ATXN10: variants seen among roughly 807,000 people sequenced by gnomAD.
The protein encoded by ATXN10 is ataxin-10.
Under a neutral mutation model 52.9 loss-of-function variants are expected in ATXN10, and 28 were observed. The observed-to-expected ratio is 0.53, with a 90% CI of 0.39 to 0.73. The LOEUF (loss-of-function observed/expected upper bound fraction) is 0.73. Ranked by LOEUF, ATXN10 falls within the 30% of genes least tolerant of loss-of-function variation. ATXN10 has a pLI of 0.00. For synonymous variants in ATXN10, 226 were observed against 221.5 expected (o/e 1.02, Z -0.18); for missense variants, 565 against 577.0 (o/e 0.98, Z 0.21).
intron 9 of ATXN10, among the ~76,000 whole-genome samples, chr22:45,752,393 C>G (rs1926009980): frequency 6.6e-6 from 1 of 152,144 alleles, no homozygotes; most frequent in African/African-American, 2.4e-5. Flanking sequence ...ATAAATGGCT[C>G]TACTTGGAAC....
In ATXN10 at chr22:45,816,303, A is replaced by G. The variant is rs1416661522; in HGVS notation, c.1237+9281A>G. Among the ~76,000 whole-genome samples the G allele has an allele frequency of 1.3e-5, 2 of 152,226 alleles. No individual in the cohort carries two copies. The highest frequency in any genetic ancestry group is 2.9e-5 in the Non-Finnish European group (2 of 68,030). ...ATTCACTGCCCTATTTTGATCTTAG[A>G]TCATAATCAGGAGAAAGTGCTGAGC... On this transcript the variant is annotated intron_variant, in intron 10 of 11. Transcript: ENST00000252934. This position sits in a 1 kb window ranked among gnomAD's most constrained non-coding sequence, Gnocchi z 5.8.
rs928550739 is a variant in ATXN10 at position 45,728,091 on chromosome 22, A to G, written c.729-1334A>G. Among the ~76,000 whole-genome samples the G allele has an allele frequency of 6.6e-5, 10 of 151,904 alleles. No homozygotes were observed. Among genetic ancestry groups the G allele is most frequent in the African/African-American group, 9.7e-5 (4 of 41,348 alleles). On this transcript the variant is annotated intron_variant, in intron 6 of 11. Transcript: ENST00000252934. This position sits in a 1 kb window ranked among gnomAD's most constrained non-coding sequence, Gnocchi z 4.3. ...GGAGCATTTAGATGATTTATATTCAATGTTAATACTGAGATGTGAGGTACT... is the reference window on the plus strand; with the variant it reads ...GGAGCATTTAGATGATTTATATTCAGTGTTAATACTGAGATGTGAGGTACT...
intron 9 of ATXN10, among the ~76,000 whole-genome samples, chr22:45,777,289 G>A (rs1000550738): frequency 1.3e-5 from 2 of 152,162 alleles, no homozygotes; most frequent in African/African-American, 4.8e-5. Flanking sequence ...AGCTGGAGTC[G>A]GGTGGGTGTT....
intron 9 of ATXN10, among the ~76,000 whole-genome samples, chr22:45,741,176 A>G (rs1291773077): frequency 6.6e-6 from 1 of 152,196 alleles, no homozygotes; most frequent in Admixed American, 6.5e-5. Flanking sequence ...TATTAATTAA[A>G]TTTCTGCCAG....
At position 45,689,919 on chromosome 22, in the gene ATXN10, C is replaced by A. The variant is rs892267236; in HGVS notation, c.308+16C>A. 4.3e-6 allele frequency: 7 copies of A among 1,612,094 alleles called. No homozygotes were observed. In the East Asian group the frequency reaches 6.7e-5, roughly 15 times the overall value. ...ATTCAATCAGGTAGTTACACACGTA[C>A]CTTGGATTCTGTTTCTTTGTATATG... On this transcript the variant is annotated intron_variant, in intron 2 of 11. Transcript: ENST00000252934.
intron 1 of ATXN10, among the ~76,000 whole-genome samples, chr22:45,682,613 C>T (rs1922972830): frequency 6.6e-6 from 1 of 152,122 alleles, no homozygotes; most frequent in Non-Finnish European, 1.5e-5. Context: ...CCTGGCTTAG[C>T]TAGATTTTTC....
rs1673228523 is a variant in ATXN10 at position 45,678,070 on chromosome 22, GGA to G, written c.116+5897_116+5898del. On this transcript the variant is annotated intron_variant, in intron 1 of 11. Transcript: ENST00000252934. The surrounding 1 kb of genome is among the most constrained non-coding windows in gnomAD (Gnocchi z 4.1). Reference sequence around the variant, plus strand: ...AGTAGATTAGAGGTTACTAGGATTTGGAGAGAGGGGAAATTGGGAGTTACTGC... The same window carrying G: ...AGTAGATTAGAGGTTACTAGGATTTGGAGAGGGGAAATTGGGAGTTACTGC... The G allele has an allele frequency of 6.6e-6, 1 of 152,188 alleles. No homozygotes were observed. Among genetic ancestry groups the G allele is most frequent in the Admixed American group, 6.5e-5 (1 of 15,282 alleles). 9.4% of individuals were successfully genotyped at this position (152,188 alleles called of 1,614,324 possible).
chr22:45,694,940 CAAAAAAAA>C lies in ATXN10; in HGVS notation c.391+1881_391+1888del, dbSNP rs748780048. ...TGGGTGACAGAGCAAGACTCTGTCT[CAAAAAAAA>C]AAAAAAAAAAAAAAAAAACAAAACC... On this transcript the variant is annotated intron_variant, in intron 3 of 11. Coordinates refer to ENST00000252934, the MANE Select transcript of ATXN10 (RefSeq NM_013236.4). Among the ~76,000 whole-genome samples the C allele has an allele frequency of 4.7e-3, 104 of 21,914 alleles. 1 individual carries two copies. The highest frequency in any genetic ancestry group is 0.014 in the African/African-American group (97 of 6,866). The allele number at this position is 21,914 out of a possible 152,430, so 14.4% of individuals were successfully genotyped here. A position where few individuals can be genotyped will look rare whatever the true frequency, so the allele number is the denominator to read the frequency against.
intron 9 of ATXN10, among the ~76,000 whole-genome samples, chr22:45,802,920 T>C (rs1049592727): frequency 1.3e-5 from 2 of 152,238 alleles, no homozygotes; most frequent in Non-Finnish European, 2.9e-5. Context: ...TGAAAATAAA[T>C]TTGAAACTTT....
At position 45,777,727 on chromosome 22, in the gene ATXN10, C is replaced by A. The variant is rs369569306; in HGVS notation, c.1174-29232C>A. ...TGGATTAACTATGTCTGTGCACTTG[C>A]ACGCACCCCTCCGCACCTGCCTGTT... On this transcript the variant is annotated intron_variant, in intron 9 of 11. Coordinates refer to ENST00000252934, the MANE Select transcript of ATXN10 (RefSeq NM_013236.4). Among the ~76,000 whole-genome samples, 6 of 152,358 alleles carry A rather than the reference C, an allele frequency of 3.9e-5. No individual in the cohort carries two copies. In the East Asian group the frequency reaches 5.8e-4, roughly 15 times the overall value.
rs922043841 is a variant in ATXN10 at position 45,840,408 on chromosome 22, C to G, written c.1238-2583C>G. Among the ~76,000 whole-genome samples the G allele has an allele frequency of 6.6e-6, 1 of 152,120 alleles. No homozygotes were observed. Among genetic ancestry groups the G allele is most frequent in the Non-Finnish European group, 1.5e-5 (1 of 68,028 alleles). ...AGCAGGTGCCGAGGGGTAGCTAAGACAGGGAAGGCTTCCGGGAGACTGTGA... is the reference window on the plus strand; with the variant it reads ...AGCAGGTGCCGAGGGGTAGCTAAGAGAGGGAAGGCTTCCGGGAGACTGTGA... On this transcript the variant is annotated intron_variant, in intron 10 of 11. Coordinates refer to ENST00000252934, the MANE Select transcript of ATXN10 (RefSeq NM_013236.4). This position sits in a 1 kb window ranked among gnomAD's most constrained non-coding sequence, Gnocchi z 5.8.
chr22:45,713,630 C>A (rs1924336267), intron 5 of ATXN10, among the ~76,000 whole-genome samples: 1 of 152,078 alleles, frequency 6.6e-6, no homozygotes, highest in African/African-American at 2.4e-5. Flanking sequence ...GCTTACTTTG[C>A]CTGTATATAT....
rs1249564673 is a variant in ATXN10 at position 45,696,809 on chromosome 22, G to A, written c.392-3473G>A. On this transcript the variant is annotated intron_variant, in intron 3 of 11. Coordinates refer to ENST00000252934, the MANE Select transcript of ATXN10 (RefSeq NM_013236.4). This position sits in a 1 kb window ranked among gnomAD's most constrained non-coding sequence, Gnocchi z 4.7. ...ACAGGATTACTTTCCACTGAAGCAG[G>A]TAGATGACCTAAGAAAAAATTTAAC... Among the ~76,000 whole-genome samples the A allele has an allele frequency of 6.6e-6, 1 of 152,168 alleles. No homozygotes were observed. Among genetic ancestry groups the A allele is most frequent in the Non-Finnish European group, 1.5e-5 (1 of 68,034 alleles).
chr22:45,831,135 G>A (rs1928978839), intron 10 of ATXN10, among the ~76,000 whole-genome samples: 1 of 152,184 alleles, frequency 6.6e-6, no homozygotes, highest in Admixed American at 6.5e-5. Context: ...ATTTATAAGA[G>A]GTACTTAGAG....
At chr22:45,756,265 C>T (rs2146823533) in intron 9 of ATXN10, among the ~76,000 whole-genome samples, 1 of 152,268 alleles carries the variant, frequency 6.6e-6, no homozygotes, top group South Asian at 2.1e-4. Flanking sequence ...CCACCTCAAT[C>T]TCCTGAGTAG....
chr22:45,843,077 CAG>C lies in ATXN10; in HGVS notation c.1325_1326del (p.Gln442ArgfsTer9). On this transcript the variant is annotated frameshift_variant, in exon 11 of 12. Transcript: ENST00000252934. LOFTEE classifies it high-confidence loss of function. This position sits in a 1 kb window ranked among gnomAD's most constrained non-coding sequence, Gnocchi z 4.5. ...NQDLIAKMEE[Q>X]GLADASLLKK... ...AGATTTGATTGCAAAGATGGAGGAA[CAG>C]GGGCTGGCAGATGCATCCCTACTTA... 2.5e-6 allele frequency: 4 copies of C among 1,614,192 alleles called. No individual in the cohort carries two copies. The highest frequency in any genetic ancestry group is 3.4e-6 in the Non-Finnish European group (4 of 1,180,034).
At position 45,702,977 on chromosome 22, in the gene ATXN10, A is replaced by C. The variant is rs866021915; in HGVS notation, c.647+130A>C. ...AAGTTAAAACTTAACATGTGTTGACAGAATTAGAGAAGATTTTGAGCAGAA... is the reference window on the plus strand; with the variant it reads ...AAGTTAAAACTTAACATGTGTTGACCGAATTAGAGAAGATTTTGAGCAGAA... On this transcript the variant is annotated intron_variant, in intron 5 of 11. Transcript: ENST00000252934. 4.9e-5 allele frequency: 56 copies of C among 1,133,296 alleles called. 1 individual carries two copies. In the South Asian group the frequency reaches 7.5e-4, roughly 15 times the overall value. The allele number at this position is 1,133,296 out of a possible 1,614,324, so 70.2% of individuals were successfully genotyped here.
intron 9 of ATXN10, among the ~76,000 whole-genome samples, chr22:45,785,305 G>A (rs1014589526): frequency 2.0e-5 from 3 of 152,150 alleles, no homozygotes; most frequent in Non-Finnish European, 4.4e-5. Flanking sequence ...TAAAAATGGG[G>A]ATCTTTCATC....
rs961685868 is a variant in ATXN10, at chr22:45,835,791, T to C, written c.1238-7200T>C. ...AAATCTTACTCTATATTCTTCAGATTGTAACCTATAATTTCCAAATCTGAC... is the reference window on the plus strand; with the variant it reads ...AAATCTTACTCTATATTCTTCAGATCGTAACCTATAATTTCCAAATCTGAC... On this transcript the variant is annotated intron_variant, in intron 10 of 11. Transcript: ENST00000252934. This position sits in a 1 kb window ranked among gnomAD's most constrained non-coding sequence, Gnocchi z 5.0. 6.6e-6 allele frequency among the ~76,000 whole-genome samples: 1 copy of C among 152,248 alleles called. No individual in the cohort carries two copies. The highest frequency in any genetic ancestry group is 1.5e-5 in the Non-Finnish European group (1 of 68,050).
Sources: gnomAD v4.1 joint callset for allele counts (sites outside exome capture counted in the v4.1 genomes callset) on GRCh38, gnomAD v4.1.1 for gene constraint, Gnocchi (gnomAD v3.1) non-coding constraint, MANE v1.5 for transcripts, NCBI Gene and HGNC (gene_info 2026-07-23, HGNC 2026-07-21) for gene names.